PTPRB: variants seen among roughly 807,000 people sequenced by gnomAD.
The protein encoded by PTPRB is receptor-type tyrosine-protein phosphatase beta.
PTPRB carries 97 observed loss-of-function variants against 238.1 expected under a neutral mutation model. The ratio of observed to expected loss-of-function variants is 0.41; its 90% CI spans 0.35 to 0.48. PTPRB has a LOEUF of 0.48. Ranked by LOEUF, PTPRB falls within the 20% of genes least tolerant of loss-of-function variation. PTPRB has a pLI of 0.30. For missense variants in PTPRB, 2,292 were observed against 2,681.9 expected (o/e 0.85, Z 3.21); for synonymous variants, 970 against 995.4 (o/e 0.97, Z 0.48).
At chr12:70,581,900 G>A (rs1429851740) in intron 9 of PTPRB, among the ~76,000 whole-genome samples, 1 of 151,872 alleles carries the variant, frequency 6.6e-6, no homozygotes, top group Non-Finnish European at 1.5e-5. Context: ...GTCTCATAAA[G>A]GTTACATTAT....
At chr12:70,540,729 G>C in intron 23 of PTPRB, 129 bp downstream of exon 23, 1 of 704,534 alleles carries the variant, frequency 1.4e-6, no homozygotes, top group South Asian at 1.9e-5. Flanking sequence ...TGTTTTTATT[G>C]AGAAAACAGT....
intron 21 of PTPRB, among the ~76,000 whole-genome samples, chr12:70,545,468 TAA>T (rs1435363654): frequency 6.6e-6 from 1 of 152,192 alleles, no homozygotes; most frequent in Non-Finnish European, 1.5e-5. Context: ...TTGCTGAAGT[TAA>T]AAAGAGATGT....
chr12:70,531,421 G>A (rs911818439), intron 32 of PTPRB, among the ~76,000 whole-genome samples: 1 of 152,038 alleles, frequency 6.6e-6, no homozygotes, highest in Non-Finnish European at 1.5e-5. Flanking sequence ...TGAATGCTTG[G>A]TCTCTATTGA....
intron 33 of PTPRB, among the ~76,000 whole-genome samples, chr12:70,523,460 C>T (rs951083157): frequency 6.6e-6 from 1 of 152,092 alleles, no homozygotes; most frequent in Non-Finnish European, 1.5e-5. Flanking sequence ...AAGATAAGAA[C>T]ATATGAAGGA....
rs1465934 is a variant in PTPRB, at chr12:70,590,239, C to T, written c.1781-6G>A. ...GTTTGCAACTTTGTCTGGAACTAAA[C>T]GGTGAAATGATGTCAAAAAGGAGAT... is the stretch of plus-strand genomic sequence containing the variant. On this transcript the variant is annotated splice_polypyrimidine_tract_variant and splice_region_variant and intron_variant, in intron 7 of 33. Coordinates refer to ENST00000334414, the MANE Select transcript of PTPRB (RefSeq NM_001109754.4). 0.12 allele frequency: 188,348 copies of T among 1,539,300 alleles called. 12,530 individuals carry two copies. Among genetic ancestry groups the T allele is most frequent in the Middle Eastern group, 0.16 (888 of 5,682 alleles).
At chr12:70,615,273 A>T (rs1884626389) in intron 3 of PTPRB, among the ~76,000 whole-genome samples, 1 of 152,114 alleles carries the variant, frequency 6.6e-6, no homozygotes, top group African/African-American at 2.4e-5. Context: ...TCGTACCTAA[A>T]ATCATACCCA....
Position 70,562,991 on chromosome 12 carries a change from C to T in PTPRB, c.4021G>A (p.Asp1341Asn). Reference sequence around the variant, plus strand: ...TGAGCTCTCTCCTGGAGATTCCCATCTGGGTTGTACAAAAAGATGTTGTAC... The same window carrying T: ...TGAGCTCTCTCCTGGAGATTCCCATTTGGGTTGTACAAAAAGATGTTGTAC... ...SWYNIFLYNP[D>N]GNLQERAQVD... The change falls in exon 16 of 34, where the codon GAT becomes AAT. Residue 1341 changes from aspartate to asparagine, a missense_variant. Asp to Asn is a conservative substitution (Grantham distance 23, BLOSUM62 1). This residue lies in a region of PTPRB where 683 missense variants were observed against 862.0 expected (regional missense o/e 0.79). Transcript: ENST00000334414. 1.9e-6 allele frequency: 3 copies of T among 1,614,028 alleles called. No homozygotes were observed. The highest frequency in any genetic ancestry group is 2.5e-6 in the Non-Finnish European group (3 of 1,179,896).
At chr12:70,549,757 C>T (rs989779167) in intron 21 of PTPRB, among the ~76,000 whole-genome samples, 11 of 152,134 alleles carry the variant, frequency 7.2e-5, no homozygotes, top group African/African-American at 1.7e-4. Context: ...GGAGACGACA[C>T]CTCCTCTCAT....
chr12:70,634,033 T>G (rs1026081908), intron 2 of PTPRB, among the ~76,000 whole-genome samples: 1 of 152,194 alleles, frequency 6.6e-6, no homozygotes, highest in Admixed American at 6.5e-5. Context: ...TATTTTCTGA[T>G]AAAGTTGAAT....
intron 11 of PTPRB, among the ~76,000 whole-genome samples, chr12:70,575,011 A>G (rs2136393799): frequency 6.6e-6 from 1 of 152,348 alleles, no homozygotes; most frequent in Middle Eastern, 3.4e-3. Flanking sequence ...AAGTTGATCA[A>G]TATGAGACCC....
intron 11 of PTPRB, among the ~76,000 whole-genome samples, chr12:70,574,366 C>T (rs1248249758): frequency 6.6e-6 from 1 of 152,186 alleles, no homozygotes; most frequent in Non-Finnish European, 1.5e-5. Context: ...GACAGATATG[C>T]TTTCTCCAAG....
Position 70,560,578 on chromosome 12 carries a change from G to A in PTPRB, c.4432+93C>T. ...GGCTAGCTCAGGGTATATCATTATT[G>A]GCTTTATCTCTTGTCATTAAAATCA... is the stretch of plus-strand genomic sequence containing the variant. On this transcript the variant is annotated intron_variant, in intron 17 of 33. Coordinates refer to ENST00000334414, the MANE Select transcript of PTPRB (RefSeq NM_001109754.4). The surrounding 1 kb of genome is among the most constrained non-coding windows in gnomAD (Gnocchi z 4.2). 1.3e-6 allele frequency: 2 copies of A among 1,514,544 alleles called. No homozygotes were observed. Among genetic ancestry groups the A allele is most frequent in the Non-Finnish European group, 1.8e-6 (2 of 1,116,082 alleles). 93.8% of individuals were successfully genotyped at this position (1,514,544 alleles called of 1,614,324 possible). A position where few individuals can be genotyped will look rare whatever the true frequency, so the allele number is the denominator to read the frequency against.
At chr12:70,577,979 G>A (rs923147801) in intron 10 of PTPRB, among the ~76,000 whole-genome samples, 2 of 151,780 alleles carry the variant, frequency 1.3e-5, no homozygotes, top group African/African-American at 4.8e-5. Context: ...GCTCTCAAAA[G>A]CAACTCATTA....
chr12:70,562,923 T>C lies in PTPRB; in HGVS notation c.4089A>G (p.Leu1363=), dbSNP rs1282402485. 6.2e-7 allele frequency: 1 copy of C among 1,614,018 alleles called. No homozygotes were observed. The highest frequency in any genetic ancestry group is 2.2e-5 in the East Asian group (1 of 44,884). The change falls in exon 16 of 34, where the codon CTA becomes CTG. Residue 1363 remains leucine, a synonymous_variant. Coordinates refer to ENST00000334414, the MANE Select transcript of PTPRB (RefSeq NM_001109754.4). The stretch of plus-strand genomic sequence containing the variant: ...TCACCATCTTGTACATTCTGCCTTG[T>C]AGCAAGTTCTGGAAAGAGAAGCTCT... ...LVQSFSFQNL[L]QGRMYKMVIV...
rs139120731 is a variant in PTPRB at position 70,519,790 on chromosome 12, G to C, written c.*1699C>G. On this transcript the variant is annotated 3_prime_UTR_variant, in exon 34 of 34. Coordinates refer to ENST00000334414, the MANE Select transcript of PTPRB (RefSeq NM_001109754.4). Reference sequence around the variant, plus strand: ...TCCTTGATACAGAATCAGAGCTTAAGACTGTCATTTCACAAGAGCATTGAG... The same window carrying C: ...TCCTTGATACAGAATCAGAGCTTAACACTGTCATTTCACAAGAGCATTGAG... The C allele has an allele frequency of 7.3e-4, 114 of 156,664 alleles. No homozygotes were observed. Among genetic ancestry groups the C allele is most frequent in the African/African-American group, 2.4e-3 (100 of 41,536 alleles). The allele number at this position is 156,664 out of a possible 1,614,324, so 9.7% of individuals were successfully genotyped here.
intron 21 of PTPRB, among the ~76,000 whole-genome samples, chr12:70,550,753 C>T (rs1876751273): frequency 2.0e-5 from 3 of 152,150 alleles, no homozygotes; most frequent in Admixed American, 2.0e-4. Context: ...GAGTTATCTT[C>T]ACCCCTCCCC....
At chr12:70,597,855 G>C (rs933088497) in intron 4 of PTPRB, among the ~76,000 whole-genome samples, 7 of 152,186 alleles carry the variant, frequency 4.6e-5, no homozygotes, top group Non-Finnish European at 2.9e-5. Flanking sequence ...ATAAGACTAT[G>C]TATGGCTGAC....
rs1330128521 is a variant in PTPRB, at chr12:70,555,081, T to G, written c.5143+79A>C. The G allele has an allele frequency of 2.0e-6, 3 of 1,482,908 alleles. No homozygotes were observed. The East Asian group carries it at 7.0e-5, about 35-fold the overall frequency. 91.9% of individuals were successfully genotyped at this position (1,482,908 alleles called of 1,614,324 possible). On this transcript the variant is annotated intron_variant, in intron 20 of 33. Transcript: ENST00000334414. ...TTTTCTACTTAAGTTTCTTAAACTT[T>G]GTCACAGAAAGATCTCCCACATGAC...
intron 19 of PTPRB, 38 bp downstream of exon 19, chr12:70,555,832 T>G: frequency 6.2e-7 from 1 of 1,603,098 alleles, no homozygotes; most frequent in Non-Finnish European, 8.5e-7. Context: ...TTCACTCCAG[T>G]GACAGGAGGC....
Sources: gnomAD v4.1 joint callset for allele counts (sites outside exome capture counted in the v4.1 genomes callset) on GRCh38, gnomAD v4.1.1 for gene constraint, gnomAD v4.1.1 regional missense constraint, Gnocchi (gnomAD v3.1) non-coding constraint, MANE v1.5 for transcripts, NCBI Gene and HGNC (gene_info 2026-07-23, HGNC 2026-07-21) for gene names.